FBLN2: variants seen among roughly 807,000 people sequenced by gnomAD.
FBLN2 encodes the protein fibulin 2.
FBLN2 carries 81 observed loss-of-function variants against 123.7 expected under a neutral mutation model. That is an observed-to-expected ratio of 0.65 (90% CI 0.55 to 0.79). FBLN2 has a LOEUF of 0.79. Among genes scored for constraint, FBLN2 ranks in the 30% least tolerant of loss-of-function variants. The pLI is 0.00. For missense variants in FBLN2, 1,603 were observed against 1,681.3 expected (o/e 0.95, Z 0.81); for synonymous variants, 699 against 701.4 (o/e 1.00, Z 0.05).
At chr3:13,597,356 A>G (rs1386952742) in intron 2 of FBLN2, among the ~76,000 whole-genome samples, 1 of 152,216 alleles carries the variant, frequency 6.6e-6, no homozygotes, top group East Asian at 1.9e-4. Context: ...GGGCAGCAGG[A>G]CAGAAACCAT....
chr3:13,621,930 C>T lies in FBLN2; in HGVS notation c.2296+15C>T, dbSNP rs754156378. 1.4e-5 allele frequency: 23 copies of T among 1,606,746 alleles called. No individual in the cohort carries two copies. Among genetic ancestry groups the T allele is most frequent in the Admixed American group, 5.0e-5 (3 of 59,810 alleles). On this transcript the variant is annotated intron_variant, in intron 9 of 17. Transcript: ENST00000404922. ...GAAGTGCGTGGGTAAGCCAGGGCCC[C>T]GCCTGCCGCCCGCCGTCACAGCTCT...
chr3:13,605,602 C>G (rs138266820), intron 2 of FBLN2, among the ~76,000 whole-genome samples: 1 of 152,196 alleles, frequency 6.6e-6, no homozygotes, highest in African/African-American at 2.4e-5. Flanking sequence ...TCCTCCCCCC[C>G]AGTGATGGAC....
chr3:13,589,601 GAC>G (rs139675011), intron 2 of FBLN2, among the ~76,000 whole-genome samples: 3 of 151,928 alleles, frequency 2.0e-5, no homozygotes, highest in African/African-American at 7.3e-5. Context: ...TCTCATTTGG[GAC>G]ACACACACAC....
chr3:13,589,150 A>C (rs73040790), intron 2 of FBLN2, among the ~76,000 whole-genome samples: 1 of 152,180 alleles, frequency 6.6e-6, no homozygotes, highest in Admixed American at 6.5e-5. Flanking sequence ...CTTCTCCTGA[A>C]TCAGGGCAGG....
In FBLN2 at chr3:13,608,191, G is replaced by T; in HGVS notation, c.1418+18G>T. The stretch of plus-strand genomic sequence containing the variant: ...GTCTGCAGGTAGGGTGGGCTCCCTG[G>T]AGCAGGCGGAGCTGCCCATTTGCCT... On this transcript the variant is annotated intron_variant, in intron 3 of 17. Transcript: ENST00000404922. 2 of 1,533,142 alleles carry T rather than the reference G, an allele frequency of 1.3e-6. No individual in the cohort carries two copies. Among genetic ancestry groups the T allele is most frequent in the Non-Finnish European group, 8.9e-7 (1 of 1,127,830 alleles). 95.0% of individuals were successfully genotyped at this position (1,533,142 alleles called of 1,614,324 possible).
intron 1 of FBLN2, among the ~76,000 whole-genome samples, chr3:13,552,507 G>A (rs1035709933): frequency 6.6e-6 from 1 of 152,152 alleles, no homozygotes; most frequent in African/African-American, 2.4e-5. Context: ...GCAGGTGTCC[G>A]TGTGGCTGCA....
At chr3:13,556,383 A>G (rs1703465254) in intron 1 of FBLN2, among the ~76,000 whole-genome samples, 1 of 152,074 alleles carries the variant, frequency 6.6e-6, no homozygotes, top group Non-Finnish European at 1.5e-5. Flanking sequence ...AGGGAGAGCT[A>G]GTGAGCTCTG....
At chr3:13,630,059 AC>A (rs771180153) in intron 14 of FBLN2, 114 bp downstream of exon 14, 49 of 1,423,132 alleles carry the variant, frequency 3.4e-5, no homozygotes, top group Non-Finnish European at 4.6e-5. Flanking sequence ...TCACCCTCAC[AC>A]CTTCACCCAT....
At chr3:13,578,646 A>T (rs895457040) in intron 2 of FBLN2, among the ~76,000 whole-genome samples, 1 of 101,500 alleles carries the variant, frequency 9.9e-6, no homozygotes, top group African/African-American at 4.0e-5. Context: ...ATGCAGCTAT[A>T]TATATTCATG....
intron 2 of FBLN2, among the ~76,000 whole-genome samples, chr3:13,576,327 C>T (rs115178321): frequency 0.011 from 1,695 of 152,304 alleles, 15 homozygotes; most frequent in Admixed American, 0.019. Flanking sequence ...ATCACACAGG[C>T]CTCTCTTCCT....
At chr3:13,604,073 T>C (rs939250501) in intron 2 of FBLN2, among the ~76,000 whole-genome samples, 2 of 152,230 alleles carry the variant, frequency 1.3e-5, no homozygotes, top group African/African-American at 4.8e-5. Flanking sequence ...CGCCCACTTT[T>C]TGATGGGGTT....
chr3:13,570,674 A>G lies in FBLN2; in HGVS notation c.319A>G (p.Ile107Val), dbSNP rs1387567722. 6.3e-7 allele frequency: 1 copy of G among 1,586,184 alleles called. No homozygotes were observed. Among genetic ancestry groups the G allele is most frequent in the South Asian group, 1.1e-5 (1 of 87,800 alleles). Residue 107 changes from isoleucine to valine, a missense_variant, in exon 2 of 18, where the codon ATC (isoleucine) becomes GTC (valine). Ile to Val is a conservative substitution (Grantham distance 29). Transcript: ENST00000404922. Reference protein sequence around the residue: ...ECSCPPGGGKISCQFMLCPEL... With the variant: ...ECSCPPGGGKVSCQFMLCPEL... ...CTCCTGCCCACCAGGCGGCGGCAAGATCAGCTGCCAGTTCATGCTGTGCCC... is the reference window on the plus strand; with the variant it reads ...CTCCTGCCCACCAGGCGGCGGCAAGGTCAGCTGCCAGTTCATGCTGTGCCC...
In FBLN2 at chr3:13,637,909, T is replaced by A; in HGVS notation, c.3686T>A (p.Phe1229Tyr). ...AAGATGCACATCTTCTTCACCACCT[T>A]TGCCCTGTGAGGTGCCAGCACGGGC... is the stretch of plus-strand genomic sequence containing the variant. Reference protein sequence around the residue: ...LAKMHIFFTTFAL With the variant: ...LAKMHIFFTTYAL The change falls in exon 18 of 18, where the codon TTT (phenylalanine) becomes TAT (tyrosine). Residue 1229 changes from phenylalanine to tyrosine, a missense_variant. Physicochemically the swap from Phe to Tyr is conservative, Grantham distance 22. Transcript: ENST00000404922. 6.3e-7 allele frequency: 1 copy of A among 1,586,182 alleles called. No homozygotes were observed.
intron 9 of FBLN2, among the ~76,000 whole-genome samples, chr3:13,624,200 C>T (rs1391205315): frequency 6.6e-6 from 1 of 152,180 alleles, no homozygotes; most frequent in Non-Finnish European, 1.5e-5. Context: ...CTTGATCTGC[C>T]ACATGGCTGT....
rs752182892 is a variant in FBLN2 at position 13,626,446 on chromosome 3, C to T, written c.2298C>T (p.Asp766=). Residue 766 remains aspartate (D), a splice_region_variant and synonymous_variant, in exon 10 of 18, where the codon GAC becomes GAT. Transcript: ENST00000404922. ...CTGATGGCCTCGCTCTCCCTGCAGA[C>T]ATCAACGAGTGTGTGACGGACCTGC... The part of the protein sequence containing the change: ...YILNAHRKCV[D]INECVTDLHT... 13 of 1,580,486 alleles carry T rather than the reference C, an allele frequency of 8.2e-6. No homozygotes were observed. The highest frequency in any genetic ancestry group is 1.1e-5 in the Non-Finnish European group (13 of 1,161,884).
At position 13,625,198 on chromosome 3, in the gene FBLN2, C is replaced by T. The variant is rs112308712; in HGVS notation, c.2297-1247C>T. On this transcript the variant is annotated intron_variant, in intron 9 of 17. Transcript: ENST00000404922. ...TTCTGAGTTGGTGGCCTCTGTGGCC[C>T]GGGGGTGGTTTCTGAGTTGGTGGCC... Among the ~76,000 whole-genome samples, 1,223 of 147,878 alleles carry T rather than the reference C, an allele frequency of 8.3e-3. 23 individuals carry two copies. The highest frequency in any genetic ancestry group is 0.028 in the African/African-American group (1,123 of 39,814).
intron 2 of FBLN2, among the ~76,000 whole-genome samples, chr3:13,581,222 T>TG (rs138166929): frequency 0.065 from 2,765 of 42,340 alleles, 147 homozygotes; most frequent in East Asian, 0.42. Flanking sequence ...AGGTGGGGGG[T>TG]GGGGGGGAGG....
intron 2 of FBLN2, among the ~76,000 whole-genome samples, chr3:13,582,796 C>T (rs896648957): frequency 6.6e-6 from 1 of 152,242 alleles, no homozygotes; most frequent in African/African-American, 2.4e-5. Flanking sequence ...CTGCTTGCCT[C>T]ATCCTGCCAG....
intron 1 of FBLN2, among the ~76,000 whole-genome samples, chr3:13,553,776 T>G (rs1327529193): frequency 1.3e-5 from 2 of 152,102 alleles, no homozygotes; most frequent in African/African-American, 4.8e-5. Flanking sequence ...TGTGTGCTGG[T>G]GAGGAAGTGG....
Sources: allele counts gnomAD v4.1 joint callset (sites outside exome capture counted in the v4.1 genomes callset), GRCh38; gene constraint gnomAD v4.1.1; transcripts MANE v1.5; gene names NCBI Gene and HGNC (gene_info 2026-07-23, HGNC 2026-07-21).